The following FAF1 variants were observed in gnomAD, a reference collection of about 807,000 sequenced individuals.
The protein encoded by FAF1 is Fas associated factor 1.
In FAF1, 25 loss-of-function variants were observed where a neutral mutation model predicts 92.5. That is an observed-to-expected ratio of 0.27 (90% CI 0.20 to 0.38). The LOEUF is 0.38. Ranked by LOEUF, FAF1 falls within the 10% of genes least tolerant of loss-of-function variation. FAF1 has a pLI of 1.00. For missense variants in FAF1, 636 were observed against 793.3 expected (o/e 0.80, Z 2.38); for synonymous variants, 234 against 273.2 (o/e 0.86, Z 1.42).
At chr1:50,580,056 A>G (rs1650922261) in intron 12 of FAF1, among the ~76,000 whole-genome samples, 6 of 152,174 alleles carry the variant, frequency 3.9e-5, no homozygotes, top group South Asian at 4.1e-4. Context: ...ATTTATTTTG[A>G]AATGGCTTAG....
chr1:50,862,226 T>C (rs1398525873), intron 1 of FAF1, among the ~76,000 whole-genome samples: 1 of 151,760 alleles, frequency 6.6e-6, no homozygotes, highest in African/African-American at 2.4e-5. Flanking sequence ...ATGTGGCCCA[T>C]TCAAGAGAGA....
chr1:50,575,213 G>T (rs578212370), intron 12 of FAF1, among the ~76,000 whole-genome samples: 1 of 152,176 alleles, frequency 6.6e-6, no homozygotes, highest in South Asian at 2.1e-4. Context: ...CAGCCAAATG[G>T]CAGTGTATGT....
intron 2 of FAF1, among the ~76,000 whole-genome samples, chr1:50,841,074 T>C (rs1452887526): frequency 1.3e-5 from 2 of 152,024 alleles, no homozygotes; most frequent in Non-Finnish European, 2.9e-5. Flanking sequence ...GTGGTAACAG[T>C]AATCTTACAT....
At chr1:50,755,241 G>A (rs1660029445) in intron 4 of FAF1, among the ~76,000 whole-genome samples, 1 of 152,142 alleles carries the variant, frequency 6.6e-6, no homozygotes, top group Non-Finnish European at 1.5e-5. Context: ...GGGGGTACCG[G>A]CATTGGATAA....
chr1:50,701,647 G>A (rs77283227), intron 7 of FAF1, among the ~76,000 whole-genome samples: 3,040 of 152,196 alleles, frequency 0.02, 100 homozygotes, highest in African/African-American at 0.07. Flanking sequence ...AGGTTCAAAT[G>A]CTCAGAATCA....
intron 13 of FAF1, among the ~76,000 whole-genome samples, chr1:50,556,767 G>A (rs1341452233): frequency 2.0e-5 from 3 of 152,022 alleles, no homozygotes; most frequent in Non-Finnish European, 4.4e-5. Flanking sequence ...AGCCTAGCAG[G>A]TTGAGGCTGC....
In FAF1 at chr1:50,890,989, A is replaced by C. The variant is rs1246772379; in HGVS notation, c.46-32992T>G. Among the ~76,000 whole-genome samples the C allele has an allele frequency of 3.9e-5, 6 of 152,320 alleles. No individual in the cohort carries two copies. The East Asian group carries it at 1.2e-3, about 29-fold the overall frequency. On this transcript the variant is annotated intron_variant, in intron 1 of 18. Coordinates refer to ENST00000396153, the MANE Select transcript of FAF1 (RefSeq NM_007051.3). ...TGGTTCCATTCTCCCCGTCACTTTC[A>C]GGTACACCAATCAAACGTAGATTTG...
intron 2 of FAF1, among the ~76,000 whole-genome samples, chr1:50,832,092 G>A (rs1308265612): frequency 6.6e-6 from 1 of 152,022 alleles, no homozygotes; most frequent in African/African-American, 2.4e-5. Context: ...GGTTCCCACT[G>A]ATTCTACATC....
intron 1 of FAF1, among the ~76,000 whole-genome samples, chr1:50,943,810 G>A (rs996069348): frequency 6.6e-6 from 1 of 152,218 alleles, no homozygotes; most frequent in African/African-American, 2.4e-5. Flanking sequence ...TTCTAGGAGG[G>A]AGATAAGCTA....
chr1:50,444,466 G>C (rs1340075123), intron 18 of FAF1, among the ~76,000 whole-genome samples: 3 of 152,218 alleles, frequency 2.0e-5, no homozygotes, highest in African/African-American at 7.2e-5. Flanking sequence ...GATGTGTTCT[G>C]TGCAGCTCTG....
At chr1:50,531,864 G>A (rs765279215) in intron 15 of FAF1, among the ~76,000 whole-genome samples, 15 of 152,048 alleles carry the variant, frequency 9.9e-5, no homozygotes, top group Non-Finnish European at 1.5e-5. Context: ...AGGTATTTCC[G>A]GTTGTGCTAT....
rs563692001 is a variant in FAF1, at chr1:50,813,462, T to A, written c.115-11785A>T. On this transcript the variant is annotated intron_variant, in intron 2 of 18. Transcript: ENST00000396153. ...TATGTGCTATTTTATGCTTTCCTTT[T>A]AAAAAAATTTTTTTTTGAGACAAGG... Among the ~76,000 whole-genome samples, 154 of 152,240 alleles carry A rather than the reference T, an allele frequency of 1.0e-3. 1 individual carries two copies. Among genetic ancestry groups the A allele is most frequent in the Middle Eastern group, 3.4e-3 (1 of 294 alleles).
chr1:50,890,572 C>G (rs1055890716), intron 1 of FAF1, among the ~76,000 whole-genome samples: 1 of 152,178 alleles, frequency 6.6e-6, no homozygotes, highest in African/African-American at 2.4e-5. Flanking sequence ...GACAAAATCT[C>G]TCAGCATTTG....
intron 7 of FAF1, among the ~76,000 whole-genome samples, chr1:50,698,312 A>C (rs1240768700): frequency 6.6e-6 from 1 of 152,214 alleles, no homozygotes; most frequent in Non-Finnish European, 1.5e-5. Flanking sequence ...TTCCCAACAC[A>C]TACCCTAGGA....
intron 4 of FAF1, among the ~76,000 whole-genome samples, chr1:50,747,091 C>G (rs919531077): frequency 6.6e-6 from 1 of 152,216 alleles, no homozygotes; most frequent in African/African-American, 2.4e-5. Context: ...TCTACTAGGA[C>G]AGTGCAGAGA....
intron 3 of FAF1, among the ~76,000 whole-genome samples, chr1:50,794,898 AAGTGCTGGGATTAC>A (rs1661691281): frequency 6.6e-6 from 1 of 151,932 alleles, no homozygotes; most frequent in African/African-American, 2.4e-5. Flanking sequence ...TGGCCTCCCA[AAGTGCTGGGATTAC>A]AGGCGTGAGC....
At chr1:50,740,669 A>G (rs901922235) in intron 5 of FAF1, among the ~76,000 whole-genome samples, 15 of 152,068 alleles carry the variant, frequency 9.9e-5, no homozygotes, top group African/African-American at 3.6e-4. Flanking sequence ...TAACTTCCCA[A>G]TCCACTAATG....
chr1:50,600,591 T>G (rs867597321), intron 8 of FAF1, among the ~76,000 whole-genome samples: 1 of 152,160 alleles, frequency 6.6e-6, no homozygotes, highest in Admixed American at 6.6e-5. Context: ...AAGTTCTAGT[T>G]TAGTATCAAA....
intron 8 of FAF1, among the ~76,000 whole-genome samples, chr1:50,637,056 T>G (rs920358072): frequency 6.6e-6 from 1 of 152,110 alleles, no homozygotes; most frequent in Non-Finnish European, 1.5e-5. Flanking sequence ...TATGTCTGTC[T>G]TTACACAAAT....
Sources: allele counts gnomAD v4.1 joint callset (sites outside exome capture counted in the v4.1 genomes callset), GRCh38; gene constraint gnomAD v4.1.1; transcripts MANE v1.5; gene names NCBI Gene and HGNC (gene_info 2026-07-23, HGNC 2026-07-21).